Variants in SOST observed in about 807,000 individuals in gnomAD.
The protein encoded by SOST is sclerosteosis.
A neutral mutation model predicts 16.7 loss-of-function variants in SOST; 14 were observed. The ratio of observed to expected loss-of-function variants is 0.84; its 90% CI spans 0.55 to 1.31. The LOEUF (loss-of-function observed/expected upper bound fraction) is 1.31, where lower values mean the gene tolerates loss of function less well. Among genes scored for constraint, SOST ranks in the 50% most tolerant of loss-of-function variants. SOST has a pLI of 0.00. For synonymous variants in SOST, 150 were observed against 140.9 expected (o/e 1.06, Z -0.46); for missense variants, 291 against 310.7 (o/e 0.94, Z 0.48).
At chr17:43,758,388 A>C in intron 1 of SOST, 134 bp downstream of exon 1, 1 of 732,096 alleles carries the variant, frequency 1.4e-6, no homozygotes. Context: ...TCCAGGCAAG[A>C]CTGTTCCTCG....
At position 43,756,498 on chromosome 17, in the gene SOST, C is replaced by T. The variant is rs192354269; in HGVS notation, c.221-735G>A. On this transcript the variant is annotated intron_variant, in intron 1 of 1. Transcript: ENST00000301691. Reference sequence around the variant, plus strand: ...GGCCCAGCCAGAGAAAAGAACTTGCCCAAAAGGCTGGGCTGCATCTCCGGA... The same window carrying T: ...GGCCCAGCCAGAGAAAAGAACTTGCTCAAAAGGCTGGGCTGCATCTCCGGA... Among the ~76,000 whole-genome samples, 155 of 152,266 alleles carry T rather than the reference C, an allele frequency of 1.0e-3. 2 individuals carry two copies. The highest frequency in any genetic ancestry group is 1.6e-4 in the Non-Finnish European group (11 of 68,020).
rs139742713 is a variant in SOST, at chr17:43,758,679, C to T, written c.63G>A (p.Val21=). Residue 21 remains valine (V), a synonymous_variant, in exon 1 of 2, where the codon GTG becomes GTA. Coordinates refer to ENST00000301691, the MANE Select transcript of SOST (RefSeq NM_025237.3). ...CLLVHTAFRV[V]EGQGWQAFKN... ...TGAACGCCTGCCACCCCTGGCCCTC[C>T]ACTACACGGAAGGCTGTGTGTACCA... The T allele has an allele frequency of 4.0e-5, 64 of 1,614,036 alleles. No homozygotes were observed. The highest frequency in any genetic ancestry group is 1.5e-4 in the African/African-American group (11 of 74,896).
intron 1 of SOST, among the ~76,000 whole-genome samples, chr17:43,758,269 C>G (rs963751631): frequency 3.9e-5 from 6 of 152,112 alleles, no homozygotes; most frequent in Admixed American, 3.9e-4. Context: ...GATGCCATAC[C>G]CTCACCACCC....
In SOST at chr17:43,755,996, A is replaced by G. The variant is rs1291632766; in HGVS notation, c.221-233T>C. On this transcript the variant is annotated intron_variant, in intron 1 of 1. Transcript: ENST00000301691. The surrounding 1 kb of genome is among the most constrained non-coding windows in gnomAD (Gnocchi z 4.3). ...GCTGGGGTTCAAACACCAGGGCTCC[A>G]TCGCTCACTGCAGGTGTCATCTTGG... Among the ~76,000 whole-genome samples the G allele has an allele frequency of 6.6e-6, 1 of 152,212 alleles. No individual in the cohort carries two copies. The highest frequency in any genetic ancestry group is 1.5e-5 in the Non-Finnish European group (1 of 68,036).
At position 43,755,304 on chromosome 17, in the gene SOST, C is replaced by G. The variant is rs1974114106; in HGVS notation, c.*38G>C. On this transcript the variant is annotated 3_prime_UTR_variant, in exon 2 of 2. Transcript: ENST00000301691. The surrounding 1 kb of genome is among the most constrained non-coding windows in gnomAD (Gnocchi z 4.3). ...AGAAATGTGGGGCGCGGGTTCAGGG[C>G]CGGGGCGCCCGCCGGTGGGGAGGGG... 6.7e-7 allele frequency: 1 copy of G among 1,497,646 alleles called. No homozygotes were observed. Among genetic ancestry groups the G allele is most frequent in the Non-Finnish European group, 8.8e-7 (1 of 1,135,780 alleles). The allele number at this position is 1,497,646 out of a possible 1,614,324, so 92.8% of individuals were successfully genotyped here. A position where few individuals can be genotyped will look rare whatever the true frequency, so the allele number is the denominator to read the frequency against.
rs767409909 is a variant in SOST at position 43,755,786 on chromosome 17, G to C, written c.221-23C>G. ...CGTCTGTGGAGAGAGGCGCGCGTGA[G>C]GGTGGCCGCCCGCCTGGCCACCCCT... On this transcript the variant is annotated intron_variant, in intron 1 of 1. Transcript: ENST00000301691. The surrounding 1 kb of genome is among the most constrained non-coding windows in gnomAD (Gnocchi z 4.3). 6.4e-6 allele frequency: 10 copies of C among 1,561,748 alleles called. No individual in the cohort carries two copies. Among genetic ancestry groups the C allele is most frequent in the Non-Finnish European group, 7.7e-6 (9 of 1,163,352 alleles).
At position 43,755,757 on chromosome 17, in the gene SOST, G is replaced by C; in HGVS notation, c.227C>G (p.Ser76Cys). 1 of 1,580,308 alleles carries C rather than the reference G, an allele frequency of 6.3e-7. No individual in the cohort carries two copies. The highest frequency in any genetic ancestry group is 8.5e-7 in the Non-Finnish European group (1 of 1,172,122). The change falls in exon 2 of 2, where the codon TCC becomes TGC. Residue 76 changes from serine (S) to cysteine (C), a missense_variant. Transcript: ENST00000301691. The surrounding 1 kb of genome is among the most constrained non-coding windows in gnomAD (Gnocchi z 4.3). The part of the protein sequence containing the change: ...PHHPFETKDV[S>C]EYSCRELHFT... Reference sequence around the variant, plus strand: ...GTGCAGCTCGCGGCAGCTGTACTCGGACACGTCTGTGGAGAGAGGCGCGCG... The same window carrying C: ...GTGCAGCTCGCGGCAGCTGTACTCGCACACGTCTGTGGAGAGAGGCGCGCG...
chr17:43,755,364 G>A lies in SOST; in HGVS notation c.620C>T (p.Ala207Val), dbSNP rs1169649367. ...PRARSAKANQ[A>V]ELENAY ...GCTCTAGTAGGCGTTCTCCAGCTCG[G>A]CCTGGTTGGCTTTGGCGCTCCGGGC... The change falls in exon 2 of 2, where the codon GCC becomes GTC. Residue 207 changes from alanine (A) to valine (V), a missense_variant. Coordinates refer to ENST00000301691, the MANE Select transcript of SOST (RefSeq NM_025237.3). This position sits in a 1 kb window ranked among gnomAD's most constrained non-coding sequence, Gnocchi z 4.3. The A allele has an allele frequency of 1.3e-6, 2 of 1,587,182 alleles. No homozygotes were observed. The highest frequency in any genetic ancestry group is 2.2e-5 in the South Asian group (2 of 89,870).
rs1172312389 is a variant in SOST at position 43,754,354 on chromosome 17, G to C, written c.*988C>G. On this transcript the variant is annotated 3_prime_UTR_variant, in exon 2 of 2. Transcript: ENST00000301691. ...ACTTTAAAACATGGCTATGGGTCGG[G>C]GGAGGGATGCTGCTCTTTGGGAAGT... is the stretch of plus-strand genomic sequence containing the variant. The C allele has an allele frequency of 6.6e-6, 1 of 151,096 alleles. No individual in the cohort carries two copies. The highest frequency in any genetic ancestry group is 1.5e-5 in the Non-Finnish European group (1 of 67,810). 9.4% of individuals were successfully genotyped at this position (151,096 alleles called of 1,614,324 possible). A position where few individuals can be genotyped will look rare whatever the true frequency, so the allele number is the denominator to read the frequency against.
rs1017519841 is a variant in SOST at position 43,754,879 on chromosome 17, C to T, written c.*463G>A. Reference sequence around the variant, plus strand: ...GTGGCAGAGCCAGGACTAGAAACCACATCTACAGTTGCCCCCAGTCTTGTG... The same window carrying T: ...GTGGCAGAGCCAGGACTAGAAACCATATCTACAGTTGCCCCCAGTCTTGTG... On this transcript the variant is annotated 3_prime_UTR_variant, in exon 2 of 2. Coordinates refer to ENST00000301691, the MANE Select transcript of SOST (RefSeq NM_025237.3). 1.9e-5 allele frequency: 3 copies of T among 158,138 alleles called. No individual in the cohort carries two copies. In the Admixed American group the frequency reaches 1.9e-4, roughly 10 times the overall value. 9.8% of individuals were successfully genotyped at this position (158,138 alleles called of 1,614,324 possible). A position where few individuals can be genotyped will look rare whatever the true frequency, so the allele number is the denominator to read the frequency against.
At position 43,754,814 on chromosome 17, in the gene SOST, C is replaced by T. The variant is rs1211854618; in HGVS notation, c.*528G>A. The T allele has an allele frequency of 6.6e-6, 1 of 152,522 alleles. No individual in the cohort carries two copies. Among genetic ancestry groups the T allele is most frequent in the African/African-American group, 2.4e-5 (1 of 41,424 alleles). The allele number at this position is 152,522 out of a possible 1,614,324, so 9.4% of individuals were successfully genotyped here. The stretch of plus-strand genomic sequence containing the variant: ...TTTTACAAAGTGGAAATTGAGGTCC[C>T]GAAGGAGAATTGTGTAGTTCAAGGT... On this transcript the variant is annotated 3_prime_UTR_variant, in exon 2 of 2. Coordinates refer to ENST00000301691, the MANE Select transcript of SOST (RefSeq NM_025237.3).
At position 43,758,646 on chromosome 17, in the gene SOST, A is replaced by T. The variant is rs1249296225; in HGVS notation, c.96T>A (p.Asp32Glu). 1.2e-6 allele frequency: 2 copies of T among 1,614,040 alleles called. No individual in the cohort carries two copies. Among genetic ancestry groups the T allele is most frequent in the African/African-American group, 2.7e-5 (2 of 74,910 alleles). Residue 32 changes from aspartate to glutamate, a missense_variant, in exon 1 of 2, where the codon GAT (aspartate) becomes GAA (glutamate). Coordinates refer to ENST00000301691, the MANE Select transcript of SOST (RefSeq NM_025237.3). Reference protein sequence around the residue: ...EGQGWQAFKNDATEIIPELGE... With the variant: ...EGQGWQAFKNEATEIIPELGE... ...CGAGCTCGGGGATGATTTCCGTGGCATCATTCTTGAACGCCTGCCACCCCT... is the reference window on the plus strand; with the variant it reads ...CGAGCTCGGGGATGATTTCCGTGGCTTCATTCTTGAACGCCTGCCACCCCT...
In SOST at chr17:43,754,954, A is replaced by C; in HGVS notation, c.*388T>G. 3.1e-5 allele frequency: 6 copies of C among 190,478 alleles called. No homozygotes were observed. Among genetic ancestry groups the C allele is most frequent in the Non-Finnish European group, 4.2e-5 (4 of 94,968 alleles). The allele number at this position is 190,478 out of a possible 1,614,324, so 11.8% of individuals were successfully genotyped here. On this transcript the variant is annotated 3_prime_UTR_variant, in exon 2 of 2. Transcript: ENST00000301691. ...GATGGGCAGCGAGGTGCAAGGGGGAATCTTATCCAACTTTCTTAACCAGTC... is the reference window on the plus strand; with the variant it reads ...GATGGGCAGCGAGGTGCAAGGGGGACTCTTATCCAACTTTCTTAACCAGTC...
In SOST at chr17:43,755,564, G is replaced by A. The variant is rs1409895240; in HGVS notation, c.420C>T (p.Arg140=). The change falls in exon 2 of 2, where the codon CGC becomes CGT. Residue 140 remains arginine, a synonymous_variant. Coordinates refer to ENST00000301691, the MANE Select transcript of SOST (RefSeq NM_025237.3). This position sits in a 1 kb window ranked among gnomAD's most constrained non-coding sequence, Gnocchi z 4.3. ...GACACAGCAGCTGCACGCGCTGCGCGCGGTAGCGGTCGGGGATGCAGCGGA... is the reference window on the plus strand; with the variant it reads ...GACACAGCAGCTGCACGCGCTGCGCACGGTAGCGGTCGGGGATGCAGCGGA... ...PDFRCIPDRY[R]AQRVQLLCPG... 1.2e-5 allele frequency: 19 copies of A among 1,594,362 alleles called. No homozygotes were observed. The highest frequency in any genetic ancestry group is 1.4e-5 in the Non-Finnish European group (16 of 1,176,116).
At position 43,755,420 on chromosome 17, in the gene SOST, C is replaced by T. The variant is rs778604094; in HGVS notation, c.564G>A (p.Arg188=). ...GCCGCGGCTTCCGGCCCTTCTGCGGCCGAGCGGCCTCGGTCCCGAAGTCCT... is the reference window on the plus strand; with the variant it reads ...GCCGCGGCTTCCGGCCCTTCTGCGGTCGAGCGGCCTCGGTCCCGAAGTCCT... The part of the protein sequence containing the change: ...ELKDFGTEAA[R]PQKGRKPRPR... The change falls in exon 2 of 2, where the codon CGG becomes CGA. Residue 188 remains arginine, a synonymous_variant. Transcript: ENST00000301691. This position sits in a 1 kb window ranked among gnomAD's most constrained non-coding sequence, Gnocchi z 4.3. 60 of 1,593,200 alleles carry T rather than the reference C, an allele frequency of 3.8e-5. No homozygotes were observed. The highest frequency in any genetic ancestry group is 5.1e-5 in the Non-Finnish European group (60 of 1,177,710).
rs1356126797 is a variant in SOST at position 43,758,555 on chromosome 17, C to G, written c.187G>C (p.Gly63Arg). The G allele has an allele frequency of 6.8e-6, 11 of 1,614,150 alleles. No individual in the cohort carries two copies. Among genetic ancestry groups the G allele is most frequent in the Non-Finnish European group, 5.9e-6 (7 of 1,180,036 alleles). Residue 63 changes from glycine to arginine, a missense_variant, in exon 1 of 2, where the codon GGG (glycine) becomes CGG (arginine). Transcript: ENST00000301691. Reference protein sequence around the residue: ...NKTMNRAENGGRPPHHPFETK... With the variant: ...NKTMNRAENGRRPPHHPFETK... ...TCAAAGGGGTGGTGGGGAGGCCGCC[C>G]TCCGTTCTCCGCCCGGTTCATGGTC...
chr17:43,758,689 A>C lies in SOST; in HGVS notation c.53T>G (p.Phe18Cys). ...CCACCCCTGGCCCTCCACTACACGG[A>C]AGGCTGTGTGTACCAGCAGGCAGAC... The part of the protein sequence containing the change: ...CLVCLLVHTA[F>C]RVVEGQGWQA... Residue 18 changes from phenylalanine to cysteine, a missense_variant, in exon 1 of 2, where the codon TTC becomes TGC. Coordinates refer to ENST00000301691, the MANE Select transcript of SOST (RefSeq NM_025237.3). 6.2e-7 allele frequency: 1 copy of C among 1,614,108 alleles called. No homozygotes were observed. Among genetic ancestry groups the C allele is most frequent in the Non-Finnish European group, 8.5e-7 (1 of 1,180,040 alleles).
In SOST at chr17:43,758,517, C is replaced by T; in HGVS notation, c.220+5G>A. 6.2e-7 allele frequency: 1 copy of T among 1,610,786 alleles called. No individual in the cohort carries two copies. The highest frequency in any genetic ancestry group is 8.5e-7 in the Non-Finnish European group (1 of 1,177,358). ...TTACTAAGAATTCTCTCCTCCACCCCATACCTTTGGTCTCAAAGGGGTGGT... is the reference window on the plus strand; with the variant it reads ...TTACTAAGAATTCTCTCCTCCACCCTATACCTTTGGTCTCAAAGGGGTGGT... On this transcript the variant is annotated splice_donor_5th_base_variant and intron_variant, in intron 1 of 1. Transcript: ENST00000301691.
rs1974123446 is a variant in SOST, at chr17:43,755,724, C to T, written c.260G>A (p.Arg87His). The change falls in exon 2 of 2, where the codon CGC (arginine) becomes CAC (histidine). Residue 87 changes from arginine (R) to histidine (H), a missense_variant. Arg to His is a conservative substitution (Grantham distance 29). Transcript: ENST00000301691. The surrounding 1 kb of genome is among the most constrained non-coding windows in gnomAD (Gnocchi z 4.3). ...GCGGCACGGCCCATCGGTCACGTAG[C>T]GGGTGAAGTGCAGCTCGCGGCAGCT... ...EYSCRELHFTRYVTDGPCRSA... is the reference protein window; with the variant it reads ...EYSCRELHFTHYVTDGPCRSA... 6 of 1,578,490 alleles carry T rather than the reference C, an allele frequency of 3.8e-6. No homozygotes were observed. The highest frequency in any genetic ancestry group is 1.7e-4 in the Middle Eastern group (1 of 5,734).
Sources: gnomAD v4.1 joint callset for allele counts (sites outside exome capture counted in the v4.1 genomes callset) on GRCh38, gnomAD v4.1.1 for gene constraint, Gnocchi (gnomAD v3.1) non-coding constraint, MANE v1.5 for transcripts, NCBI Gene and HGNC (gene_info 2026-07-23, HGNC 2026-07-21) for gene names.